Variants in GPR132 observed in about 807,000 individuals in gnomAD.
GPR132 encodes the protein G protein-coupled receptor 132.
GPR132 carries 4 observed loss-of-function variants against 1.9 expected under a neutral mutation model. That is an observed-to-expected ratio of 2.13 (90% CI 1.05 to 4.87). The LOEUF (loss-of-function observed/expected upper bound fraction) is 4.87. GPR132 is among the 30% of genes most tolerant of loss of function. The pLI is 0.01. For missense variants in GPR132, 404 were observed against 512.5 expected, an observed-to-expected ratio of 0.79 and a Z score of 2.04; for synonymous variants, 233 against 234.2, an observed-to-expected ratio of 0.99 and a Z score of 0.05.
Position 105,052,092 on chromosome 14 carries a change from G to A in GPR132, c.45C>T (p.Thr15=). The change falls in exon 4 of 4, where the codon ACC becomes ACT. Residue 15 remains threonine (T), a synonymous_variant. Transcript: ENST00000329797. The part of the protein sequence containing the change: ...LLKNGYNGNA[T]PVTTTAPWAS... ...CCCACGGGGCAGTGGTGGTCACTGG[G>A]GTGGCGTTTCCTGTGGGACAGAGAC... is the stretch of plus-strand genomic sequence containing the variant. 1.3e-6 allele frequency: 2 copies of A among 1,567,486 alleles called. No individual in the cohort carries two copies. The highest frequency in any genetic ancestry group is 1.7e-6 in the Non-Finnish European group (2 of 1,158,794).
intron 1 of GPR132, among the ~76,000 whole-genome samples, chr14:105,058,830 A>C (rs2140934030): frequency 6.6e-6 from 1 of 152,334 alleles, no homozygotes; most frequent in Non-Finnish European, 1.5e-5. Context: ...GGTGCCTCTA[A>C]AACAGGCACC....
intron 3 of GPR132, chr14:105,054,065 C>T (rs1164172036): frequency 2.3e-6 from 3 of 1,288,544 alleles, no homozygotes; most frequent in Admixed American, 4.6e-5. Context: ...CCTGGCTGCC[C>T]ACTCTGGCTG....
At chr14:105,064,946 C>T (rs1176956885) in intron 1 of GPR132, among the ~76,000 whole-genome samples, 5 of 152,234 alleles carry the variant, frequency 3.3e-5, no homozygotes, top group African/African-American at 7.2e-5. Flanking sequence ...TGTAACCCCA[C>T]AAGCAGCACA....
At position 105,050,805 on chromosome 14, in the gene GPR132, C is replaced by T; in HGVS notation, c.*189G>A. 3.3e-6 allele frequency: 2 copies of T among 609,456 alleles called. No homozygotes were observed. The highest frequency in any genetic ancestry group is 2.1e-5 in the South Asian group (1 of 47,004). The allele number at this position is 609,456 out of a possible 1,614,324, so 37.8% of individuals were successfully genotyped here. On this transcript the variant is annotated 3_prime_UTR_variant, in exon 4 of 4. Coordinates refer to ENST00000329797, the MANE Select transcript of GPR132 (RefSeq NM_013345.4). This position sits in a 1 kb window ranked among gnomAD's most constrained non-coding sequence, Gnocchi z 4.0. ...CTGGAGGTGTCGCTCCTCCCCTTGG[C>T]ATGCAGCCACCTTCCATGTGGGAAA...
chr14:105,054,216 G>A (rs1053883067), intron 3 of GPR132: 1 of 1,203,354 alleles, frequency 8.3e-7, no homozygotes, highest in African/African-American at 1.6e-5. Flanking sequence ...AGCAGCCCCG[G>A]GCGGGGCAAA....
At chr14:105,052,472 C>T (rs926118305) in intron 3 of GPR132, among the ~76,000 whole-genome samples, 2 of 151,982 alleles carry the variant, frequency 1.3e-5, no homozygotes, top group Non-Finnish European at 2.9e-5. Flanking sequence ...GGATTACAGG[C>T]ACGTGCCACC....
At chr14:105,062,786 C>G (rs1886982803) in intron 1 of GPR132, among the ~76,000 whole-genome samples, 1 of 152,144 alleles carries the variant, frequency 6.6e-6, no homozygotes, top group Admixed American at 6.5e-5. Flanking sequence ...AATGATCCTC[C>G]TGCCTCAGCC....
In GPR132 at chr14:105,051,234, G is replaced by A. The variant is rs1167534252; in HGVS notation, c.903C>T (p.Gly301=). The part of the protein sequence containing the change: ...VVFLCLSTVN[G]VADPIIYVLA... Reference sequence around the variant, plus strand: ...GCACGTAGATAATGGGGTCAGCCACGCCGTTCACCGTGGACAGGCACAGAA... The same window carrying A: ...GCACGTAGATAATGGGGTCAGCCACACCGTTCACCGTGGACAGGCACAGAA... Residue 301 remains glycine, a synonymous_variant, in exon 4 of 4, where the codon GGC becomes GGT. Transcript: ENST00000329797. This position sits in a 1 kb window ranked among gnomAD's most constrained non-coding sequence, Gnocchi z 8.0. The A allele has an allele frequency of 6.8e-6, 11 of 1,613,612 alleles. No individual in the cohort carries two copies. Among genetic ancestry groups the A allele is most frequent in the South Asian group, 4.4e-5 (4 of 91,080 alleles).
At position 105,051,432 on chromosome 14, in the gene GPR132, G is replaced by A. The variant is rs149182725; in HGVS notation, c.705C>T (p.Ala235=). The change falls in exon 4 of 4, where the codon GCC becomes GCT. Residue 235 remains alanine, a synonymous_variant. Transcript: ENST00000329797. The surrounding 1 kb of genome is among the most constrained non-coding windows in gnomAD (Gnocchi z 8.0). ...SIKQSMGLSA[A]QKAKVKHSAI... is the part of the protein sequence containing the mutation. Reference sequence around the variant, plus strand: ...CCGAGTGCTTCACCTTGGCCTTCTGGGCAGCGCTTAAGCCCATGCTCTGCT... The same window carrying A: ...CCGAGTGCTTCACCTTGGCCTTCTGAGCAGCGCTTAAGCCCATGCTCTGCT... 1 of 1,614,124 alleles carries A rather than the reference G, an allele frequency of 6.2e-7. No individual in the cohort carries two copies. The highest frequency in any genetic ancestry group is 8.5e-7 in the Non-Finnish European group (1 of 1,180,028).
chr14:105,058,591 T>TC (rs762494882), intron 1 of GPR132, among the ~76,000 whole-genome samples: 2 of 152,252 alleles, frequency 1.3e-5, no homozygotes, highest in African/African-American at 2.4e-5. Context: ...GCAATATGTT[T>TC]CCAAAAATCT....
At chr14:105,057,128 T>A in intron 2 of GPR132, 39 bp downstream of exon 2, 1 of 1,499,558 alleles carries the variant, frequency 6.7e-7, no homozygotes, top group Non-Finnish European at 9.0e-7. Context: ...TCTCATGGGC[T>A]TCCTCTTACA....
intron 1 of GPR132, among the ~76,000 whole-genome samples, chr14:105,064,822 C>A (rs540550174): frequency 6.6e-6 from 1 of 152,146 alleles, no homozygotes; most frequent in Non-Finnish European, 1.5e-5. Context: ...GTGCCTGGTG[C>A]GCCGAACGCC....
intron 3 of GPR132, among the ~76,000 whole-genome samples, chr14:105,052,305 G>A (rs917238090): frequency 1.1e-4 from 16 of 152,172 alleles, no homozygotes; most frequent in African/African-American, 3.6e-4. Flanking sequence ...AAGAATGCAG[G>A]CTGGGCAATA....
Position 105,059,372 on chromosome 14 carries a change from A to G in GPR132, c.-860-2092T>C, listed in dbSNP as rs1886881518. ...CAGGTGGGGCTGCCTGTGTGTTGAC[A>G]TCCCCAGCTGCCCTTTCAAGTATAT... On this transcript the variant is annotated intron_variant, in intron 1 of 3. Coordinates refer to ENST00000329797, the MANE Select transcript of GPR132 (RefSeq NM_013345.4). The surrounding 1 kb of genome is among the most constrained non-coding windows in gnomAD (Gnocchi z 4.2). Among the ~76,000 whole-genome samples, 1 of 152,200 alleles carries G rather than the reference A, an allele frequency of 6.6e-6. No homozygotes were observed. Among genetic ancestry groups the G allele is most frequent in the South Asian group, 2.1e-4 (1 of 4,834 alleles).
intron 1 of GPR132, chr14:105,057,507 GATTCT>G: frequency 5.5e-6 from 1 of 181,876 alleles, no homozygotes; most frequent in Non-Finnish European, 1.1e-5. Flanking sequence ...GACTACATAC[GATTCT>G]TTTTTTTTTT....
At position 105,051,483 on chromosome 14, in the gene GPR132, G is replaced by C. The variant is rs1595133782; in HGVS notation, c.654C>G (p.Thr218=). 1 of 1,614,052 alleles carries C rather than the reference G, an allele frequency of 6.2e-7. No individual in the cohort carries two copies. The highest frequency in any genetic ancestry group is 8.5e-7 in the Non-Finnish European group (1 of 1,180,034). ...TGATGCTCCTGAAAATCCGGTGGTTGGTGAAGGCGATGATGGAGAGAGGGA... is the reference window on the plus strand; with the variant it reads ...TGATGCTCCTGAAAATCCGGTGGTTCGTGAAGGCGATGATGGAGAGAGGGA... The part of the protein sequence containing the change: ...FAIPLSIIAF[T]NHRIFRSIKQ... Residue 218 remains threonine (T), a synonymous_variant, in exon 4 of 4, where the codon ACC becomes ACG. Coordinates refer to ENST00000329797, the MANE Select transcript of GPR132 (RefSeq NM_013345.4). The surrounding 1 kb of genome is among the most constrained non-coding windows in gnomAD (Gnocchi z 8.0).
chr14:105,050,113 G>A lies in GPR132; in HGVS notation c.*881C>T, dbSNP rs529523395. 1 of 152,384 alleles carries A rather than the reference G, an allele frequency of 6.6e-6. No homozygotes were observed. Among genetic ancestry groups the A allele is most frequent in the South Asian group, 2.1e-4 (1 of 4,828 alleles). The allele number at this position is 152,384 out of a possible 1,614,324, so 9.4% of individuals were successfully genotyped here. ...GACCTGGTCTAGGCAAGGCCTTTGC[G>A]GCAGACCCAGATCTGACTCAGCCCC... On this transcript the variant is annotated 3_prime_UTR_variant, in exon 4 of 4. Transcript: ENST00000329797. The surrounding 1 kb of genome is among the most constrained non-coding windows in gnomAD (Gnocchi z 4.0).
chr14:105,051,413 G>A lies in GPR132; in HGVS notation c.724C>T (p.His242Tyr). 1 of 1,614,132 alleles carries A rather than the reference G, an allele frequency of 6.2e-7. No homozygotes were observed. The highest frequency in any genetic ancestry group is 8.5e-7 in the Non-Finnish European group (1 of 1,180,006). The change falls in exon 4 of 4, where the codon CAC becomes TAC. Residue 242 changes from histidine to tyrosine, a missense_variant. His to Tyr is a moderately conservative substitution (Grantham distance 83). Coordinates refer to ENST00000329797, the MANE Select transcript of GPR132 (RefSeq NM_013345.4). The surrounding 1 kb of genome is among the most constrained non-coding windows in gnomAD (Gnocchi z 8.0). Reference sequence around the variant, plus strand: ...ATGACAACCACCGCGATGGCCGAGTGCTTCACCTTGGCCTTCTGGGCAGCG... The same window carrying A: ...ATGACAACCACCGCGATGGCCGAGTACTTCACCTTGGCCTTCTGGGCAGCG... ...LSAAQKAKVK[H>Y]SAIAVVVIFL...
At chr14:105,054,193 C>A in intron 3 of GPR132, 1 of 1,238,258 alleles carries the variant, frequency 8.1e-7, no homozygotes, top group South Asian at 1.3e-5. Context: ...CGTTGCCAAA[C>A]TTATTGGGCC....
Sources: gnomAD v4.1 joint callset for allele counts (sites outside exome capture counted in the v4.1 genomes callset) on GRCh38, gnomAD v4.1.1 for gene constraint, Gnocchi (gnomAD v3.1) non-coding constraint, MANE v1.5 for transcripts, NCBI Gene and HGNC (gene_info 2026-07-23, HGNC 2026-07-21) for gene names.